NRG3: variants seen among roughly 807,000 people sequenced by gnomAD.
NRG3 encodes the protein pro-neuregulin-3, membrane-bound isoform.
A neutral mutation model predicts 66.9 loss-of-function variants in NRG3; 31 were observed. That is an observed-to-expected ratio of 0.46 (90% CI 0.35 to 0.63). The LOEUF is 0.63. Among genes scored for constraint, NRG3 ranks in the 20% least tolerant of loss-of-function variants. NRG3 has a pLI of 0.00. For synonymous variants in NRG3, 393 were observed against 359.4 expected (o/e 1.09, Z -1.06); for missense variants, 910 against 878.9 (o/e 1.04, Z -0.45).
At chr10:82,876,457 G>T (rs1264996938) in intron 4 of NRG3, among the ~76,000 whole-genome samples, 1 of 151,760 alleles carries the variant, frequency 6.6e-6, no homozygotes, top group African/African-American at 2.4e-5. Flanking sequence ...TGAAATAAGG[G>T]TATAGCTTGA....
rs567772543 is a variant in NRG3 at position 82,826,173 on chromosome 10, T to C, written c.1028-39238T>C. Among the ~76,000 whole-genome samples, 3 of 152,254 alleles carry C rather than the reference T, an allele frequency of 2.0e-5. No individual in the cohort carries two copies. In the South Asian group the frequency reaches 6.2e-4, roughly 32 times the overall value. On this transcript the variant is annotated intron_variant, in intron 3 of 8. Coordinates refer to ENST00000372141, the MANE Select transcript of NRG3 (RefSeq NM_001010848.4). ...TAGGAGCTCATAATCATAGAGAGTTTGATATGAAGGATACCATAATCAGCT... is the reference window on the plus strand; with the variant it reads ...TAGGAGCTCATAATCATAGAGAGTTCGATATGAAGGATACCATAATCAGCT...
At chr10:82,963,314 A>G (rs986844772) in intron 6 of NRG3, among the ~76,000 whole-genome samples, 6 of 152,220 alleles carry the variant, frequency 3.9e-5, no homozygotes, top group African/African-American at 1.4e-4. Flanking sequence ...CCCTAAATAC[A>G]TGCTCCCATC....
chr10:82,650,124 C>G (rs188816104), intron 2 of NRG3, among the ~76,000 whole-genome samples: 2 of 152,246 alleles, frequency 1.3e-5, no homozygotes, highest in African/African-American at 4.8e-5. Flanking sequence ...AACAACCAAA[C>G]AAACAAAAGT....
intron 2 of NRG3, among the ~76,000 whole-genome samples, chr10:82,712,010 T>C (rs1265622709): frequency 6.6e-6 from 1 of 152,244 alleles, no homozygotes; most frequent in East Asian, 1.9e-4. Context: ...TGCCTCCATA[T>C]TTCTCCATTT....
chr10:81,925,185 G>A (rs1410057580), intron 1 of NRG3, among the ~76,000 whole-genome samples: 1 of 152,150 alleles, frequency 6.6e-6, no homozygotes, highest in Admixed American at 6.5e-5. Context: ...GCTGTCCAAA[G>A]ATGTAAAAGC....
At chr10:82,399,729 A>G (rs1292629011) in intron 2 of NRG3, among the ~76,000 whole-genome samples, 2 of 152,210 alleles carry the variant, frequency 1.3e-5, no homozygotes, top group Non-Finnish European at 2.9e-5. Flanking sequence ...TAGAGTTTCA[A>G]CATATTAATT....
chr10:81,968,537 G>A (rs2059813861), intron 1 of NRG3, among the ~76,000 whole-genome samples: 1 of 152,208 alleles, frequency 6.6e-6, no homozygotes, highest in Non-Finnish European at 1.5e-5. Flanking sequence ...CAGCTGCCGT[G>A]TTTTGGCAGG....
intron 1 of NRG3, among the ~76,000 whole-genome samples, chr10:82,355,333 GGGCACA>G (rs1403506073): frequency 6.6e-6 from 1 of 152,074 alleles, no homozygotes; most frequent in Non-Finnish European, 1.5e-5. Context: ...TGCCACCTTA[GGGCACA>G]GAAAGAAAAT....
chr10:82,399,023 C>G (rs1243392655), intron 2 of NRG3, among the ~76,000 whole-genome samples: 2 of 152,184 alleles, frequency 1.3e-5, no homozygotes, highest in Admixed American at 6.6e-5. Context: ...ATTTCTGAGA[C>G]TATGACAAGT....
intron 1 of NRG3, among the ~76,000 whole-genome samples, chr10:82,249,118 T>C (rs2077372300): frequency 6.6e-6 from 1 of 152,192 alleles, no homozygotes; most frequent in African/African-American, 2.4e-5. Flanking sequence ...GTCTTTATTT[T>C]AGGTTTCTTT....
At chr10:82,600,858 C>G (rs1476889927) in intron 2 of NRG3, among the ~76,000 whole-genome samples, 2 of 151,916 alleles carry the variant, frequency 1.3e-5, no homozygotes, top group Non-Finnish European at 2.9e-5. Flanking sequence ...TTGTGTGACA[C>G]TGAGGTTTGA....
At chr10:82,937,441 G>A (rs1365281556) in intron 4 of NRG3, among the ~76,000 whole-genome samples, 1 of 152,170 alleles carries the variant, frequency 6.6e-6, no homozygotes, top group Non-Finnish European at 1.5e-5. Context: ...TGTGCTTTCC[G>A]ACTATCAGTC....
chr10:82,044,478 A>G (rs1217248426), intron 1 of NRG3, among the ~76,000 whole-genome samples: 5 of 151,976 alleles, frequency 3.3e-5, no homozygotes, highest in African/African-American at 7.2e-5. Context: ...CCATGCAGAC[A>G]TGGAGAGAAC....
At chr10:82,765,401 T>C (rs964233485) in intron 3 of NRG3, among the ~76,000 whole-genome samples, 1 of 152,090 alleles carries the variant, frequency 6.6e-6, no homozygotes, top group Non-Finnish European at 1.5e-5. Context: ...TTACACATGA[T>C]ACAAATGTTA....
intron 1 of NRG3, among the ~76,000 whole-genome samples, chr10:82,291,187 A>C (rs1448019976): frequency 6.6e-6 from 1 of 152,120 alleles, no homozygotes; most frequent in East Asian, 1.9e-4. Flanking sequence ...CGCACCAGTC[A>C]CATTTTTATA....
intron 4 of NRG3, among the ~76,000 whole-genome samples, chr10:82,921,942 T>C (rs955474631): frequency 6.6e-6 from 1 of 152,186 alleles, no homozygotes; most frequent in Non-Finnish European, 1.5e-5. Context: ...TTGAGATTCT[T>C]ATTTAAAGAT....
At chr10:82,969,446 T>C (rs1323249620) in intron 6 of NRG3, among the ~76,000 whole-genome samples, 3 of 152,222 alleles carry the variant, frequency 2.0e-5, no homozygotes, top group African/African-American at 4.8e-5. Context: ...CCATTATGTA[T>C]TGGATCTTTG....
intron 1 of NRG3, among the ~76,000 whole-genome samples, chr10:81,916,018 AATT>A (rs1845675067): frequency 6.6e-6 from 1 of 152,222 alleles, no homozygotes; most frequent in Non-Finnish European, 1.5e-5. Flanking sequence ...AACATATCTA[AATT>A]ATTATCATTT....
At chr10:82,408,089 A>AGAGAC (rs1564888139) in intron 2 of NRG3, among the ~76,000 whole-genome samples, 5 of 54,934 alleles carry the variant, frequency 9.1e-5, no homozygotes, top group African/African-American at 1.5e-4. Context: ...GAGAGACAGA[A>AGAGAC]AGAAAGAAAG....
Sources: gnomAD v4.1 joint callset for allele counts (sites outside exome capture counted in the v4.1 genomes callset) on GRCh38, gnomAD v4.1.1 for gene constraint, MANE v1.5 for transcripts, NCBI Gene and HGNC (gene_info 2026-07-23, HGNC 2026-07-21) for gene names.